The following OR52I2 variants were observed in gnomAD, a reference collection of about 807,000 sequenced individuals.
OR52I2 encodes olfactory receptor 52I2.
For missense variants in OR52I2, 350 were observed against 402.4 expected (o/e 0.87, Z 1.11); for synonymous variants, 147 against 151.9 (o/e 0.97, Z 0.24).
chr11:4,590,760 A>G (rs968003804), exon 2 of OR52I2: 1 of 151,998 alleles, frequency 6.6e-6, no homozygotes, highest in African/African-American at 2.4e-5. Context: ...GCATACCCTG[A>G]TTTTTTCTTT....
chr11:4,588,142 G>A (rs1846323217), exon 2 of OR52I2: 5 of 404,192 alleles, frequency 1.2e-5, no homozygotes, highest in South Asian at 3.3e-5. Flanking sequence ...AATGTGCTAG[G>A]TTAGGCTGAG....
chr11:4,586,936 T>C, exon 2 of OR52I2: 2 of 1,614,154 alleles, frequency 1.2e-6, no homozygotes, highest in Non-Finnish European at 8.5e-7. Context: ...CCCTGCCTCC[T>C]TCCTCCTTGT....
chr11:4,586,016 T>C (rs777482452), intron 1 of OR52I2, among the ~76,000 whole-genome samples: 8 of 152,206 alleles, frequency 5.3e-5, no homozygotes, highest in Non-Finnish European at 1.0e-4. Flanking sequence ...AATAGCTGCA[T>C]TGAAAAATCA....
rs1394204224 is a variant in OR52I2, at chr11:4,587,302, A to G, written c.412A>G (p.Arg138Gly). The change falls in exon 2 of 2, where the codon AGA becomes GGA. Residue 138 changes from arginine to glycine, a missense_variant. By Grantham distance (125) the Arg-to-Gly change is moderately radical. Transcript: ENST00000641896. ...CATCTGCAAGCCTCTACACTACAAGAGAATTCTCACGCCTCAAGTGATGCT... is the reference window on the plus strand; with the variant it reads ...CATCTGCAAGCCTCTACACTACAAGGGAATTCTCACGCCTCAAGTGATGCT... 8 of 1,613,640 alleles carry G rather than the reference A, an allele frequency of 5.0e-6. No individual in the cohort carries two copies. The highest frequency in any genetic ancestry group is 6.8e-6 in the Non-Finnish European group (8 of 1,179,990).
intron 1 of OR52I2, among the ~76,000 whole-genome samples, chr11:4,582,829 A>G (rs1265017260): frequency 6.6e-6 from 1 of 152,200 alleles, no homozygotes; most frequent in African/African-American, 2.4e-5. Flanking sequence ...AGTGCTAGAA[A>G]TATGTCTTAG....
chr11:4,583,366 C>T (rs1055580060), intron 1 of OR52I2, among the ~76,000 whole-genome samples: 10 of 152,116 alleles, frequency 6.6e-5, no homozygotes, highest in Admixed American at 2.6e-4. Flanking sequence ...TCAGCTGAGG[C>T]TGCCTCCTGA....
chr11:4,586,985 C>T (rs764052362), exon 2 of OR52I2: 1 of 1,614,168 alleles, frequency 6.2e-7, no homozygotes, highest in Non-Finnish European at 8.5e-7. Context: ...CTTTGGCTGG[C>T]TATCTCACTG....
rs1248828167 is a variant in OR52I2, at chr11:4,582,432, T to TC, written c.-20+569dup. Among the ~76,000 whole-genome samples, 530 of 110,780 alleles carry TC rather than the reference T, an allele frequency of 4.8e-3. 6 individuals are homozygous for TC. The highest frequency in any genetic ancestry group is 9.8e-3 in the African/African-American group (298 of 30,438). The allele number at this position is 110,780 out of a possible 152,430, so 72.7% of individuals were successfully genotyped here. A position where few individuals can be genotyped will look rare whatever the true frequency, so the allele number is the denominator to read the frequency against. ...TTTTATTTTTATATTTATTTATTTT[T>TC]CATTTTTTTTTTTTTTTTTTTTTTG... On this transcript the variant is annotated intron_variant, in intron 1 of 1. Transcript: ENST00000641896.
At chr11:4,586,727 G>T in intron 1 of OR52I2, 145 bp from the exon 2 acceptor site, 1 of 1,070,362 alleles carries the variant, frequency 9.3e-7, no homozygotes, top group Non-Finnish European at 1.4e-6. Flanking sequence ...GATAAAAGTG[G>T]TACAGGATAA....
chr11:4,587,175 A>T, exon 2 of OR52I2: 1 of 1,613,884 alleles, frequency 6.2e-7, no homozygotes, highest in Non-Finnish European at 8.5e-7. Context: ...GAGACAGCTC[A>T]ATCAGCTTTA....
At position 4,582,434 on chromosome 11, in the gene OR52I2, A is replaced by ATTTTT. The variant is rs386372959; in HGVS notation, c.-20+588_-20+592dup. Among the ~76,000 whole-genome samples, 375 of 96,428 alleles carry ATTTTT rather than the reference A, an allele frequency of 3.9e-3. 16 individuals are homozygous for ATTTTT. Among genetic ancestry groups the ATTTTT allele is most frequent in the East Asian group, 5.9e-3 (19 of 3,234 alleles). 63.3% of individuals were successfully genotyped at this position (96,428 alleles called of 152,430 possible). On this transcript the variant is annotated intron_variant, in intron 1 of 1. Coordinates refer to ENST00000641896, the Ensembl canonical transcript of OR52I2. ...TTATTTTTATATTTATTTATTTTTCATTTTTTTTTTTTTTTTTTTTTTGAG... is the reference window on the plus strand; with the variant it reads ...TTATTTTTATATTTATTTATTTTTCATTTTTTTTTTTTTTTTTTTTTTTTTTTGAG...
intron 1 of OR52I2, 116 bp from the exon 2 acceptor site, chr11:4,586,756 T>G (rs542100049): frequency 1.9e-4 from 285 of 1,477,414 alleles, no homozygotes; most frequent in Non-Finnish European, 2.5e-4. Flanking sequence ...GATGCCACAT[T>G]TTTGATCCTG....
At chr11:4,582,642 T>C (rs1427476664) in intron 1 of OR52I2, among the ~76,000 whole-genome samples, 1 of 151,982 alleles carries the variant, frequency 6.6e-6, no homozygotes, top group African/African-American at 2.4e-5. Context: ...GGTTTTGCCA[T>C]GTTGTCCAGG....
chr11:4,586,879 G>C (rs754150906), exon 2 of OR52I2: 13 of 1,613,960 alleles, frequency 8.1e-6, no homozygotes, highest in Non-Finnish European at 1.7e-6. Flanking sequence ...CAGGAAAAAA[G>C]TCTCACTTGT....
At chr11:4,583,081 T>A (rs1398326395) in intron 1 of OR52I2, among the ~76,000 whole-genome samples, 3 of 151,724 alleles carry the variant, frequency 2.0e-5, no homozygotes. Context: ...AGAAAAAGAG[T>A]CACTGGCAAC....
chr11:4,586,863 C>A lies in OR52I2; in HGVS notation c.-19-9C>A. ...GCATTCTTCTCATACATCATTTGTGCATTAACAGGAAAAAAGTCTCACTTG... is the reference window on the plus strand; with the variant it reads ...GCATTCTTCTCATACATCATTTGTGAATTAACAGGAAAAAAGTCTCACTTG... On this transcript the variant is annotated splice_polypyrimidine_tract_variant and intron_variant, in intron 1 of 1. Coordinates refer to ENST00000641896, the Ensembl canonical transcript of OR52I2. The A allele has an allele frequency of 1.2e-6, 2 of 1,614,064 alleles. No individual in the cohort carries two copies. The highest frequency in any genetic ancestry group is 8.5e-7 in the Non-Finnish European group (1 of 1,179,966).
At chr11:4,589,834 C>A (rs773788089) in exon 2 of OR52I2, 1 of 152,102 alleles carries the variant, frequency 6.6e-6, no homozygotes, top group South Asian at 2.1e-4. Flanking sequence ...TGCCTTAGTT[C>A]TTTTACCTTT....
At chr11:4,587,301 G>A (rs149943504) in exon 2 of OR52I2, 215 of 1,613,740 alleles carry the variant, frequency 1.3e-4, no homozygotes, top group Middle Eastern at 3.3e-4. Flanking sequence ...TACACTACAA[G>A]AGAATTCTCA....
At chr11:4,586,724 G>A in intron 1 of OR52I2, 148 bp from the exon 2 acceptor site, 3 of 1,028,536 alleles carry the variant, frequency 2.9e-6, no homozygotes, top group Non-Finnish European at 4.3e-6. Flanking sequence ...GAGGATAAAA[G>A]TGGTACAGGA....
Sources: gnomAD v4.1 joint callset for allele counts (sites outside exome capture counted in the v4.1 genomes callset) on GRCh38, gnomAD v4.1.1 for gene constraint, MANE v1.5 for transcripts, NCBI Gene and HGNC (gene_info 2026-07-23, HGNC 2026-07-21) for gene names.